GRID2: variants seen among roughly 807,000 people sequenced by gnomAD.
GRID2 encodes the protein glutamate receptor ionotropic, delta-2.
A neutral mutation model predicts 114.8 loss-of-function variants in GRID2; 33 were observed. The ratio of observed to expected loss-of-function variants is 0.29; its 90% CI spans 0.22 to 0.38. The LOEUF is 0.38. Ranked by LOEUF, GRID2 falls within the 10% of genes least tolerant of loss-of-function variation. The pLI is 1.00. For synonymous variants in GRID2, 505 were observed against 449.9 expected, an observed-to-expected ratio of 1.12 and a Z score of -1.55; for missense variants, 1,184 against 1,257.7, an observed-to-expected ratio of 0.94 and a Z score of 0.89.
chr4:93,385,779 C>A (rs921263783), intron 8 of GRID2, among the ~76,000 whole-genome samples: 2 of 152,006 alleles, frequency 1.3e-5, no homozygotes, highest in Non-Finnish European at 2.9e-5. Flanking sequence ...GTGTAGAATT[C>A]TTTTCATTAA....
intron 1 of GRID2, among the ~76,000 whole-genome samples, chr4:93,782,452 T>C (rs1312563937): frequency 6.6e-6 from 1 of 152,160 alleles, no homozygotes; most frequent in Non-Finnish European, 1.5e-5. Context: ...TAGTTCCGAG[T>C]CTGCTTCAAC....
At chr4:92,306,582 C>T (rs1038516748) in intron 1 of GRID2, among the ~76,000 whole-genome samples, 1 of 152,104 alleles carries the variant, frequency 6.6e-6, no homozygotes, top group Non-Finnish European at 1.5e-5. Flanking sequence ...GGAGGGAAAG[C>T]CTGTGGAAGA....
rs1234394564 is a variant in GRID2 at position 92,935,052 on chromosome 4, C to A, written c.245-149943C>A. 1.4e-5 allele frequency among the ~76,000 whole-genome samples: 2 copies of A among 146,658 alleles called. 1 individual carries two copies. The highest frequency in any genetic ancestry group is 1.5e-4 in the Admixed American group (2 of 13,544). On this transcript the variant is annotated intron_variant, in intron 2 of 15. Coordinates refer to ENST00000282020, the MANE Select transcript of GRID2 (RefSeq NM_001510.4). ...AATTGACAAATGGGATCTAATTAAA[C>A]TAAAGAGCTTCTGCACAGCAGAAGA... is the stretch of plus-strand genomic sequence containing the variant.
At chr4:93,444,953 C>G (rs1560625791) in intron 10 of GRID2, among the ~76,000 whole-genome samples, 1 of 151,954 alleles carries the variant, frequency 6.6e-6, no homozygotes, top group African/African-American at 2.4e-5. Flanking sequence ...TCTCTCCTTT[C>G]TTAGTAATAC....
chr4:92,575,292 G>T (rs1208901239), intron 1 of GRID2, among the ~76,000 whole-genome samples: 4 of 152,108 alleles, frequency 2.6e-5, no homozygotes, highest in African/African-American at 9.7e-5. Flanking sequence ...GTTTTTATCT[G>T]CATTTTGAAG....
intron 2 of GRID2, among the ~76,000 whole-genome samples, chr4:93,060,910 CTG>C (rs1046327407): frequency 1.3e-5 from 2 of 152,038 alleles, no homozygotes; most frequent in Admixed American, 1.3e-4. Flanking sequence ...CGAGACCAGA[CTG>C]GCCAAAATGG....
chr4:92,733,598 C>T (rs557226561), intron 2 of GRID2, among the ~76,000 whole-genome samples: 2 of 152,214 alleles, frequency 1.3e-5, no homozygotes, highest in South Asian at 4.2e-4. Context: ...AACTAGACAT[C>T]TCACTGGCAA....
intron 4 of GRID2, among the ~76,000 whole-genome samples, chr4:93,123,841 C>G (rs1055319475): frequency 4.0e-5 from 6 of 151,700 alleles, no homozygotes; most frequent in Non-Finnish European, 5.9e-5. Flanking sequence ...CAAAGCAAGT[C>G]TAGAATGTAA....
intron 2 of GRID2, among the ~76,000 whole-genome samples, chr4:92,971,269 C>T (rs1753494241): frequency 6.6e-6 from 1 of 151,902 alleles, no homozygotes; most frequent in Admixed American, 6.6e-5. Context: ...ATATTTTAAG[C>T]AGGAAGAGCA....
chr4:92,880,525 G>A (rs1012874039), intron 2 of GRID2, among the ~76,000 whole-genome samples: 1 of 152,140 alleles, frequency 6.6e-6, no homozygotes, highest in African/African-American at 2.4e-5. Flanking sequence ...TGCTGCAGCT[G>A]AAGGCAACTG....
rs544730655 is a variant in GRID2, at chr4:92,324,549, A to G, written c.88+19805A>G. ...AACATGTTCTTAGGTTTCCTATGCT[A>G]TGTTTATCCTCAATAATAAACTTTT... On this transcript the variant is annotated intron_variant, in intron 1 of 15. Transcript: ENST00000282020. 4.0e-5 allele frequency among the ~76,000 whole-genome samples: 6 copies of G among 151,874 alleles called. No homozygotes were observed. The East Asian group carries it at 9.7e-4, about 24-fold the overall frequency.
chr4:92,393,468 A>G (rs1295082547), intron 1 of GRID2, among the ~76,000 whole-genome samples: 2 of 152,088 alleles, frequency 1.3e-5, no homozygotes, highest in African/African-American at 4.8e-5. Flanking sequence ...CCTGCACTCA[A>G]CCTACATATA....
intron 2 of GRID2, among the ~76,000 whole-genome samples, chr4:93,083,873 G>A (rs1730103801): frequency 6.6e-6 from 1 of 151,894 alleles, no homozygotes; most frequent in African/African-American, 2.4e-5. Context: ...ATTTGATGAT[G>A]ATATGCTTAT....
intron 13 of GRID2, among the ~76,000 whole-genome samples, chr4:93,531,467 C>G (rs998811546): frequency 6.6e-6 from 1 of 151,952 alleles, no homozygotes; most frequent in African/African-American, 2.4e-5. Context: ...GCACACAGGA[C>G]AGGTGCTTTA....
intron 14 of GRID2, among the ~76,000 whole-genome samples, chr4:93,762,681 G>T (rs1317574369): frequency 6.6e-6 from 1 of 152,082 alleles, no homozygotes; most frequent in South Asian, 2.1e-4. Flanking sequence ...TAGGGTCTCT[G>T]GGGGAGTTCC....
At chr4:93,660,545 T>C (rs1723398015) in intron 14 of GRID2, among the ~76,000 whole-genome samples, 1 of 152,196 alleles carries the variant, frequency 6.6e-6, no homozygotes, top group Non-Finnish European at 1.5e-5. Context: ...CTCTATCAAA[T>C]GGAGCAGTAG....
intron 2 of GRID2, among the ~76,000 whole-genome samples, chr4:92,825,607 A>G (rs765853825): frequency 6.6e-6 from 1 of 152,164 alleles, no homozygotes; most frequent in Non-Finnish European, 1.5e-5. Flanking sequence ...AGTCTTGGTC[A>G]TACTGTTCCC....
intron 2 of GRID2, among the ~76,000 whole-genome samples, chr4:93,018,538 G>T (rs1456266360): frequency 6.6e-6 from 1 of 152,104 alleles, no homozygotes; most frequent in Non-Finnish European, 1.5e-5. Flanking sequence ...TCTACTGAGA[G>T]ATCAATTCCA....
chr4:93,783,261 A>G (rs1260109229), intron 1 of GRID2, among the ~76,000 whole-genome samples: 2 of 152,226 alleles, frequency 1.3e-5, no homozygotes, highest in African/African-American at 2.4e-5. Context: ...TATTGTTGAC[A>G]CTAATTTAGC....
Sources: allele counts gnomAD v4.1 joint callset (sites outside exome capture counted in the v4.1 genomes callset), GRCh38; gene constraint gnomAD v4.1.1; transcripts MANE v1.5; gene names NCBI Gene and HGNC (gene_info 2026-07-23, HGNC 2026-07-21).